Variants in DPYD observed in about 807,000 individuals in gnomAD.
DPYD encodes dihydropyrimidine dehydrogenase, also known as dihydropyrimidine dehydrogenase [NADP(+)].
Under a neutral mutation model 116.2 loss-of-function variants are expected in DPYD, and 109 were observed. The ratio of observed to expected loss-of-function variants is 0.94; its 90% CI spans 0.80 to 1.10. DPYD has a LOEUF of 1.10. Among genes scored for constraint, DPYD ranks in the 50% least tolerant of loss-of-function variants. DPYD has a pLI of 0.00. For missense variants in DPYD, 1,302 were observed against 1,254.5 expected (o/e 1.04, Z -0.57); for synonymous variants, 440 against 432.0 (o/e 1.02, Z -0.23).
rs183531995 is a variant in DPYD at position 97,695,422 on chromosome 1, T to C, written c.681-3624A>G. ...ACTAATCCATCATTTTTTAAAAACT[T>C]CCTCCTTGCATTTATCCTCACTTAA... On this transcript the variant is annotated intron_variant, in intron 6 of 22. Transcript: ENST00000370192. Among the ~76,000 whole-genome samples, 340 of 149,224 alleles carry C rather than the reference T, an allele frequency of 2.3e-3. 1 individual carries two copies. The highest frequency in any genetic ancestry group is 7.8e-3 in the African/African-American group (316 of 40,318).
intron 3 of DPYD, among the ~76,000 whole-genome samples, chr1:97,815,812 T>C (rs1668575641): frequency 6.6e-6 from 1 of 152,082 alleles, no homozygotes. Context: ...AAGCAAAAAT[T>C]AACGTTTCAG....
At chr1:97,745,963 G>T (rs1226019487) in intron 3 of DPYD, among the ~76,000 whole-genome samples, 1 of 151,956 alleles carries the variant, frequency 6.6e-6, no homozygotes, top group Non-Finnish European at 1.5e-5. Context: ...GCTAGAAAAA[G>T]ACTACAGTAT....
chr1:97,690,076 T>A (rs1304738445), intron 7 of DPYD, among the ~76,000 whole-genome samples: 5 of 152,066 alleles, frequency 3.3e-5, no homozygotes, highest in Non-Finnish European at 5.9e-5. Flanking sequence ...TCAAAGGCAA[T>A]CTGTTCTATC....
At chr1:97,286,758 C>A (rs528654093) in intron 18 of DPYD, among the ~76,000 whole-genome samples, 2 of 152,306 alleles carry the variant, frequency 1.3e-5, no homozygotes, top group East Asian at 3.9e-4. Context: ...CGAGCCTTGG[C>A]TCTCAGCTCC....
chr1:97,600,608 C>A (rs1655189479), intron 8 of DPYD, among the ~76,000 whole-genome samples: 1 of 152,064 alleles, frequency 6.6e-6, no homozygotes, highest in South Asian at 2.1e-4. Flanking sequence ...TGACCTTGGC[C>A]AAATAAATTA....
intron 16 of DPYD, among the ~76,000 whole-genome samples, chr1:97,345,800 C>G (rs74104372): frequency 0.12 from 17,736 of 151,826 alleles, 1,337 homozygotes; most frequent in East Asian, 0.29. Flanking sequence ...TTGAATTCAG[C>G]AATCCAGTTC....
At chr1:97,806,229 T>G (rs770131873) in intron 3 of DPYD, among the ~76,000 whole-genome samples, 1 of 151,954 alleles carries the variant, frequency 6.6e-6, no homozygotes, top group African/African-American at 2.4e-5. Context: ...CACATTTTAT[T>G]TTCTTGCCAT....
At chr1:97,774,618 C>A in intron 3 of DPYD, 1 of 155,678 alleles carries the variant, frequency 6.4e-6, no homozygotes. Context: ...ATGTCCACAG[C>A]ATGCAAAGGC....
At chr1:97,234,801 G>A in intron 19 of DPYD, 51 bp downstream of exon 19, 4 of 1,607,374 alleles carry the variant, frequency 2.5e-6, no homozygotes, top group East Asian at 2.2e-5. Flanking sequence ...AACTTACATT[G>A]CATTTGTGAG....
chr1:97,763,069 C>T (rs1022859471), intron 3 of DPYD, among the ~76,000 whole-genome samples: 2 of 151,928 alleles, frequency 1.3e-5, no homozygotes, highest in Admixed American at 1.3e-4. Flanking sequence ...TCATTAACAC[C>T]CAGCATGAAA....
intron 18 of DPYD, among the ~76,000 whole-genome samples, chr1:97,298,277 T>G (rs944964161): frequency 6.6e-6 from 1 of 152,098 alleles, no homozygotes; most frequent in Non-Finnish European, 1.5e-5. Context: ...TACATTCTGA[T>G]ACATAAGGCC....
In DPYD at chr1:97,176,868, A is replaced by G. The variant is rs1280491673; in HGVS notation, c.2622+16201T>C. ...ATACCAGTATTCAAGGGACAAAAAA[A>G]TGTGTGTGTGTGTGTGTGTGTGTGT... On this transcript the variant is annotated intron_variant, in intron 20 of 22. Transcript: ENST00000370192. Among the ~76,000 whole-genome samples the G allele has an allele frequency of 4.8e-5, 7 of 146,680 alleles. No individual in the cohort carries two copies. The East Asian group carries it at 6.2e-4, about 13-fold the overall frequency.
At chr1:97,602,658 G>T (rs1655332137) in intron 8 of DPYD, among the ~76,000 whole-genome samples, 1 of 151,752 alleles carries the variant, frequency 6.6e-6, no homozygotes, top group Non-Finnish European at 1.5e-5. Context: ...CTTTCTTTAT[G>T]GAGATGGATA....
At chr1:97,757,976 C>T (rs538372793) in intron 3 of DPYD, among the ~76,000 whole-genome samples, 64 of 152,238 alleles carry the variant, frequency 4.2e-4, no homozygotes, top group Non-Finnish European at 8.2e-4. Context: ...TCTCATAATA[C>T]GCACTGCCTG....
intron 8 of DPYD, among the ~76,000 whole-genome samples, chr1:97,654,471 T>C (rs1237532882): frequency 2.0e-5 from 3 of 152,168 alleles, no homozygotes; most frequent in African/African-American, 7.2e-5. Context: ...TGGGACCCTT[T>C]AATATTCATA....
intron 5 of DPYD, among the ~76,000 whole-genome samples, chr1:97,712,665 T>C (rs1412183812): frequency 6.6e-6 from 1 of 152,082 alleles, no homozygotes; most frequent in Non-Finnish European, 1.5e-5. Context: ...GTGTGTGGCC[T>C]TCAATCAACA....
chr1:97,319,371 T>C (rs1484628184), intron 16 of DPYD, among the ~76,000 whole-genome samples: 4 of 138,074 alleles, frequency 2.9e-5, no homozygotes, highest in Admixed American at 2.2e-4. Context: ...AAGAATCAAA[T>C]AGACACAATA....
intron 13 of DPYD, among the ~76,000 whole-genome samples, chr1:97,488,068 C>A (rs1453493111): frequency 6.6e-6 from 1 of 151,596 alleles, no homozygotes; most frequent in Non-Finnish European, 1.5e-5. Flanking sequence ...TGGTTATATA[C>A]ATAGCATGGA....
chr1:97,572,491 G>A (rs971883867), intron 11 of DPYD, among the ~76,000 whole-genome samples: 7 of 151,884 alleles, frequency 4.6e-5, no homozygotes, highest in African/African-American at 7.2e-5. Context: ...TTTTGGATAG[G>A]CAAATAATCA....
Sources: gnomAD v4.1 joint callset for allele counts (sites outside exome capture counted in the v4.1 genomes callset) on GRCh38, gnomAD v4.1.1 for gene constraint, MANE v1.5 for transcripts, NCBI Gene and HGNC (gene_info 2026-07-23, HGNC 2026-07-21) for gene names.